PCDH11X: variants seen among roughly 807,000 people sequenced by gnomAD.
PCDH11X encodes the protein protocadherin-11 X-linked.
Under a neutral mutation model 53.3 loss-of-function variants are expected in PCDH11X, and 18 were observed. The ratio of observed to expected loss-of-function variants is 0.34; its 90% CI spans 0.23 to 0.50. The LOEUF is 0.50. Ranked by LOEUF, PCDH11X falls within the 20% of genes least tolerant of loss-of-function variation. The pLI is 0.98. For missense variants in PCDH11X, 570 were observed against 1,032.4 expected, an observed-to-expected ratio of 0.55 and a Z score of 6.14; for synonymous variants, 279 against 393.3, an observed-to-expected ratio of 0.71 and a Z score of 3.44.
intron 8 of PCDH11X, among the ~76,000 whole-genome samples, chrX:92,380,461 T>A (rs1480342108): frequency 8.9e-6 from 1 of 112,276 alleles, no homozygotes; most frequent in Non-Finnish European, 1.9e-5. Flanking sequence ...GGTTTCTGTC[T>A]GGTGAAGCAA....
intron 8 of PCDH11X, among the ~76,000 whole-genome samples, chrX:92,369,165 C>G (rs1462332261): frequency 9.2e-6 from 1 of 108,531 alleles, no homozygotes; most frequent in Non-Finnish European, 1.9e-5. Context: ...GGGGTTTTGT[C>G]TGTAAGTTCC....
In PCDH11X at chrX:92,575,936, T is replaced by TACAC. The variant is rs1462543427; in HGVS notation, c.3368-42327_3368-42326insCACA. ...ATATATATATATATATATATATATATATATATATACACACACACACACACA... is the reference window on the plus strand; with the variant it reads ...ATATATATATATATATATATATATATACACATATATATACACACACACACACACA... On this transcript the variant is annotated intron_variant, in intron 10 of 10. Coordinates refer to ENST00000682573, the MANE Select transcript of PCDH11X (RefSeq NM_032968.5). Among the ~76,000 whole-genome samples, 89 of 26,207 alleles carry TACAC rather than the reference T, an allele frequency of 3.4e-3. 6 individuals carry two copies. The highest frequency in any genetic ancestry group is 0.022 in the Middle Eastern group (1 of 45). 22.8% of individuals were successfully genotyped at this position (26,207 alleles called of 115,157 possible).
chrX:91,950,178 G>A (rs2061621739), intron 6 of PCDH11X, among the ~76,000 whole-genome samples: 1 of 107,656 alleles, frequency 9.3e-6, no homozygotes, highest in South Asian at 4.1e-4. Flanking sequence ...AGCTTTCAGG[G>A]TACAAGTATT....
At chrX:92,155,689 C>T (rs1373962029) in intron 6 of PCDH11X, among the ~76,000 whole-genome samples, 2 of 103,390 alleles carry the variant, frequency 1.9e-5, no homozygotes, top group East Asian at 6.2e-4. Flanking sequence ...TGCAGTGGCG[C>T]CATCTCGGCT....
Position 92,475,299 on chromosome X carries a change from T to C in PCDH11X, c.3367+6977T>C, listed in dbSNP as rs1271096683. Among the ~76,000 whole-genome samples the C allele has an allele frequency of 9.9e-5, 11 of 110,977 alleles. No individual in the cohort carries two copies. In the East Asian group the frequency reaches 3.1e-3, roughly 31 times the overall value. On this transcript the variant is annotated intron_variant, in intron 10 of 10. Transcript: ENST00000682573. ...CTTTGTATGAATTCTTGTTGCTCAT[T>C]AACATTCTATTCTTTTTAATTGAGG...
intron 8 of PCDH11X, among the ~76,000 whole-genome samples, chrX:92,313,305 A>G (rs1456691701): frequency 9.1e-6 from 1 of 110,349 alleles, no homozygotes; most frequent in East Asian, 2.9e-4. Flanking sequence ...GCAGATGATA[A>G]CACAGAGCCT....
Position 92,619,124 on chromosome X carries a change from T to G in PCDH11X, c.*184T>G. ...ACCAAAAAATTGCAATTTGTTTAAT[T>G]CAGAATGTGTATTTAAAAAGAAAAG... On this transcript the variant is annotated 3_prime_UTR_variant, in exon 11 of 11. Coordinates refer to ENST00000682573, the MANE Select transcript of PCDH11X (RefSeq NM_032968.5). 1 of 484,182 alleles carries G rather than the reference T, an allele frequency of 2.1e-6. No individual in the cohort carries two copies. Among genetic ancestry groups the G allele is most frequent in the Admixed American group, 4.0e-5 (1 of 25,171 alleles). The allele number at this position is 484,182 out of a possible 1,213,427, so 39.9% of individuals were successfully genotyped here.
At chrX:92,490,708 AAAAG>A (rs779937911) in intron 10 of PCDH11X, among the ~76,000 whole-genome samples, 26 of 100,522 alleles carry the variant, frequency 2.6e-4, no homozygotes, top group South Asian at 5.1e-4. Context: ...TTCTAAGAGA[AAAAG>A]AAAGAAAGAA....
intron 7 of PCDH11X, among the ~76,000 whole-genome samples, chrX:92,253,234 C>A (rs2067495296): frequency 9.0e-6 from 1 of 111,413 alleles, no homozygotes; most frequent in African/African-American, 3.3e-5. Flanking sequence ...CCAACTTTGT[C>A]AAAAATGAGT....
chrX:91,915,682 A>G (rs1029969224), intron 6 of PCDH11X, among the ~76,000 whole-genome samples: 2 of 111,604 alleles, frequency 1.8e-5, no homozygotes, highest in African/African-American at 6.5e-5. Flanking sequence ...TTTCAAATTT[A>G]TAAAACAATT....
chrX:92,007,950 A>G (rs906445505), intron 6 of PCDH11X, among the ~76,000 whole-genome samples: 75 of 110,752 alleles, frequency 6.8e-4, no homozygotes, highest in African/African-American at 2.3e-3. Flanking sequence ...TCTGGAAGCT[A>G]AAGCCTGGAA....
intron 10 of PCDH11X, among the ~76,000 whole-genome samples, chrX:92,614,530 G>C (rs780577733): frequency 9.1e-6 from 1 of 109,774 alleles, no homozygotes; most frequent in South Asian, 4.0e-4. Flanking sequence ...GATGTGGCTA[G>C]GTATATACAT....
chrX:92,511,699 G>A (rs1292466557), intron 10 of PCDH11X, among the ~76,000 whole-genome samples: 2 of 111,498 alleles, frequency 1.8e-5, no homozygotes, highest in African/African-American at 6.5e-5. Context: ...ATTCTAGTGA[G>A]AGAGATCAGT....
chrX:92,597,463 A>G (rs1442490261), intron 10 of PCDH11X, among the ~76,000 whole-genome samples: 2 of 111,814 alleles, frequency 1.8e-5, no homozygotes, highest in African/African-American at 6.5e-5. Flanking sequence ...AAGAATTAAC[A>G]TAACCAAAGA....
At chrX:92,375,162 A>ATTGTTTTTTT (rs2070715840) in intron 8 of PCDH11X, among the ~76,000 whole-genome samples, 1 of 10,472 alleles carries the variant, frequency 9.5e-5, no homozygotes, top group African/African-American at 2.8e-4. Flanking sequence ...ATATATATAT[A>ATTGTTTTTTT]TATATTTTTT....
chrX:92,548,315 C>T (rs1036615176), intron 10 of PCDH11X, among the ~76,000 whole-genome samples: 3 of 110,372 alleles, frequency 2.7e-5, no homozygotes, highest in African/African-American at 9.9e-5. Context: ...GGACTACCGG[C>T]AGGCACCACC....
chrX:92,127,104 A>G (rs1248035108), intron 6 of PCDH11X, among the ~76,000 whole-genome samples: 1 of 111,438 alleles, frequency 9.0e-6, no homozygotes, highest in African/African-American at 3.3e-5. Context: ...ACAGAGATAT[A>G]TGAATCTAAT....
At chrX:92,575,934 T>TACACACACAC (rs1353338801) in intron 10 of PCDH11X, among the ~76,000 whole-genome samples, 16 of 23,565 alleles carry the variant, frequency 6.8e-4, no homozygotes, top group African/African-American at 1.9e-3. Flanking sequence ...TATATATATA[T>TACACACACAC]ATATATATAT....
At chrX:92,500,351 T>A (rs1044883398) in intron 10 of PCDH11X, among the ~76,000 whole-genome samples, 1 of 111,472 alleles carries the variant, frequency 9.0e-6, no homozygotes, top group African/African-American at 3.3e-5. Context: ...TTCCACAACA[T>A]CAATTTCTAC....
Sources: allele counts gnomAD v4.1 joint callset (sites outside exome capture counted in the v4.1 genomes callset), GRCh38; gene constraint gnomAD v4.1.1; transcripts MANE v1.5; gene names NCBI Gene and HGNC (gene_info 2026-07-23, HGNC 2026-07-21).